The following MTMR7 variants were observed in gnomAD, a reference collection of about 807,000 sequenced individuals.
The protein encoded by MTMR7 is phosphatidylinositol-3-phosphate phosphatase MTMR7.
Under a neutral mutation model 81.2 loss-of-function variants are expected in MTMR7, and 76 were observed. That is an observed-to-expected ratio of 0.94 (90% CI 0.78 to 1.13). MTMR7 has a LOEUF of 1.13. Among genes scored for constraint, MTMR7 ranks in the 50% most tolerant of loss-of-function variants. MTMR7 has a pLI of 0.00. For missense variants in MTMR7, 1,044 were observed against 820.0 expected (o/e 1.27, Z -3.34); for synonymous variants, 372 against 289.8 (o/e 1.28, Z -2.88).
intron 6 of MTMR7, among the ~76,000 whole-genome samples, chr8:17,336,761 C>G (rs1043268359): frequency 6.6e-6 from 1 of 152,178 alleles, no homozygotes; most frequent in Non-Finnish European, 1.5e-5. Flanking sequence ...CCTCCGCTGG[C>G]CCTGGCTGCG....
At position 17,299,525 on chromosome 8, in the gene MTMR7, G is replaced by C. The variant is rs887945646; in HGVS notation, c.*337C>G. 7.7e-5 allele frequency: 16 copies of C among 208,912 alleles called. No homozygotes were observed. The highest frequency in any genetic ancestry group is 2.6e-4 in the Admixed American group (5 of 19,406). The allele number at this position is 208,912 out of a possible 1,614,324, so 12.9% of individuals were successfully genotyped here. On this transcript the variant is annotated 3_prime_UTR_variant, in exon 14 of 14. Coordinates refer to ENST00000180173, the MANE Select transcript of MTMR7 (RefSeq NM_004686.5). ...CACAGATGTGAGGGAAAGGAGTGGA[G>C]GCTTTTTGAGAGATGCATGCTATGA...
At chr8:17,392,864 T>G (rs1209024309) in intron 1 of MTMR7, among the ~76,000 whole-genome samples, 3 of 152,222 alleles carry the variant, frequency 2.0e-5, no homozygotes, top group African/African-American at 7.2e-5. Flanking sequence ...GGAAGTTCTT[T>G]CAGCATACAA....
intron 1 of MTMR7, among the ~76,000 whole-genome samples, chr8:17,390,363 C>G (rs1440518730): frequency 1.3e-5 from 2 of 152,052 alleles, no homozygotes; most frequent in Non-Finnish European, 2.9e-5. Context: ...AAAGAACTCA[C>G]TATCACAAGA....
At chr8:17,369,641 C>CTTTT (rs71212689) in intron 3 of MTMR7, among the ~76,000 whole-genome samples, 18 of 106,236 alleles carry the variant, frequency 1.7e-4, no homozygotes, top group Middle Eastern at 5.6e-3. Context: ...TTCTTTTTTT[C>CTTTT]TTTTTTTTTT....
intron 5 of MTMR7, among the ~76,000 whole-genome samples, chr8:17,346,884 TAAAAAAAAAA>T (rs55910829): frequency 1.8e-4 from 12 of 65,040 alleles, no homozygotes; most frequent in South Asian, 1.7e-3. Flanking sequence ...CCTATCTTAA[TAAAAAAAAAA>T]AAAAAAAAAA....
At chr8:17,331,325 T>C (rs940428430) in intron 6 of MTMR7, 43 bp from the exon 7 acceptor site, 1 of 1,539,130 alleles carries the variant, frequency 6.5e-7, no homozygotes, top group Non-Finnish European at 8.7e-7. Flanking sequence ...ATTACATTGA[T>C]GAAACAATGA....
At chr8:17,341,251 GC>G (rs1819398541) in intron 6 of MTMR7, 111 bp downstream of exon 6, 1 of 1,403,454 alleles carries the variant, frequency 7.1e-7, no homozygotes, top group Non-Finnish European at 9.7e-7. Context: ...AAGAGGAACC[GC>G]CCCTTTGCAG....
At chr8:17,348,810 G>A (rs981851341) in intron 5 of MTMR7, 143 bp downstream of exon 5, 9 of 938,678 alleles carry the variant, frequency 9.6e-6, no homozygotes, top group South Asian at 9.1e-5. Flanking sequence ...GTTGTATCAT[G>A]TCATACCATG....
At chr8:17,351,708 C>T (rs1819734170) in intron 4 of MTMR7, among the ~76,000 whole-genome samples, 1 of 152,174 alleles carries the variant, frequency 6.6e-6, no homozygotes, top group African/African-American at 2.4e-5. Context: ...GGAAAAAGCT[C>T]CATGGGTCAC....
intron 9 of MTMR7, among the ~76,000 whole-genome samples, chr8:17,309,672 G>GAT (rs1817679398): frequency 6.6e-6 from 1 of 152,198 alleles, no homozygotes; most frequent in Admixed American, 6.5e-5. Context: ...CCGAAGGAAA[G>GAT]AGGTTTCATA....
intron 1 of MTMR7, among the ~76,000 whole-genome samples, chr8:17,376,554 A>G (rs1040399264): frequency 5.3e-5 from 8 of 152,142 alleles, no homozygotes; most frequent in Admixed American, 3.3e-4. Context: ...TATTCCTACC[A>G]CCAATATACA....
intron 1 of MTMR7, among the ~76,000 whole-genome samples, chr8:17,408,276 C>T (rs1821646569): frequency 8.8e-6 from 1 of 114,050 alleles, no homozygotes; most frequent in African/African-American, 2.6e-5. Flanking sequence ...GTAGTCCCAC[C>T]TACTTGGGAG....
chr8:17,373,428 T>C (rs1820480124), intron 1 of MTMR7, among the ~76,000 whole-genome samples, 188 bp from the exon 2 acceptor site: 2 of 152,216 alleles, frequency 1.3e-5, no homozygotes, highest in Non-Finnish European at 2.9e-5. Context: ...TATTAAAAGA[T>C]GAACATTCAC....
chr8:17,360,773 T>C (rs532657014), intron 4 of MTMR7, among the ~76,000 whole-genome samples: 1 of 152,094 alleles, frequency 6.6e-6, no homozygotes, highest in Non-Finnish European at 1.5e-5. Flanking sequence ...TGCCCACTAA[T>C]CACTCACTAC....
chr8:17,393,361 A>G (rs1029346815), intron 1 of MTMR7, among the ~76,000 whole-genome samples: 1 of 152,196 alleles, frequency 6.6e-6, no homozygotes, highest in African/African-American at 2.4e-5. Flanking sequence ...AAGTATGAGC[A>G]ACCAAAGGAA....
chr8:17,361,819 T>A (rs1044107428), intron 3 of MTMR7, among the ~76,000 whole-genome samples: 1 of 152,220 alleles, frequency 6.6e-6, no homozygotes, highest in South Asian at 2.1e-4. Context: ...AACAACTACA[T>A]AAATATCGTA....
rs2269694 is a variant in MTMR7, at chr8:17,335,914, G to T, written c.733-4632C>A. The stretch of plus-strand genomic sequence containing the variant: ...CGCCTTACAGGCTGTGTGGACTGCT[G>T]AGGGGTTTGCTCCGGCCCACCCTCC... On this transcript the variant is annotated intron_variant, in intron 6 of 13. Transcript: ENST00000180173. 7.7e-3 allele frequency among the ~76,000 whole-genome samples: 1,177 copies of T among 152,306 alleles called. 31 individuals carry two copies. The highest frequency in any genetic ancestry group is 0.073 in the East Asian group (376 of 5,164).
intron 1 of MTMR7, among the ~76,000 whole-genome samples, chr8:17,378,227 G>A (rs1180809549): frequency 6.6e-6 from 1 of 151,584 alleles, no homozygotes; most frequent in Non-Finnish European, 1.5e-5. Context: ...ATACAGAGAG[G>A]GAAAAAAGAA....
intron 2 of MTMR7, among the ~76,000 whole-genome samples, chr8:17,371,755 G>A (rs1169675325): frequency 6.7e-6 from 1 of 149,920 alleles, no homozygotes; most frequent in Non-Finnish European, 1.5e-5. Context: ...AATCATAGTT[G>A]TACACATTTA....
Sources: allele counts gnomAD v4.1 joint callset (sites outside exome capture counted in the v4.1 genomes callset), GRCh38; gene constraint gnomAD v4.1.1; transcripts MANE v1.5; gene names NCBI Gene and HGNC (gene_info 2026-07-23, HGNC 2026-07-21).